The following RBFOX1 variants were observed in gnomAD, a reference collection of about 807,000 sequenced individuals.
RBFOX1 encodes RNA binding protein fox-1 homolog 1.
RBFOX1 carries 8 observed loss-of-function variants against 57.7 expected under a neutral mutation model. The observed-to-expected ratio is 0.14, with a 90% CI of 0.08 to 0.25. The LOEUF (loss-of-function observed/expected upper bound fraction) is 0.25. RBFOX1 is among the 10% of genes least tolerant of loss of function. RBFOX1 has a pLI of 1.00. For missense variants in RBFOX1, 611 were observed against 548.5 expected (o/e 1.11, Z -1.14); for synonymous variants, 326 against 222.4 (o/e 1.47, Z -4.15).
chr16:7,468,591 G>C (rs1007502384), intron 4 of RBFOX1, among the ~76,000 whole-genome samples: 1 of 151,864 alleles, frequency 6.6e-6, no homozygotes, highest in Non-Finnish European at 1.5e-5. Flanking sequence ...TCTTGGTGTT[G>C]ATGTAGGTCC....
At chr16:6,955,291 A>G (rs952122944) in intron 3 of RBFOX1, among the ~76,000 whole-genome samples, 1 of 151,992 alleles carries the variant, frequency 6.6e-6, no homozygotes, top group East Asian at 1.9e-4. Context: ...CTAGCGTACG[A>G]TTAAGTAAGT....
chr16:7,266,822 A>T (rs968293232), intron 4 of RBFOX1, among the ~76,000 whole-genome samples: 2 of 152,206 alleles, frequency 1.3e-5, no homozygotes, highest in African/African-American at 4.8e-5. Context: ...TGGGACAGGA[A>T]TTACAAGTTT....
At chr16:6,823,381 C>T (rs2091645348) in intron 3 of RBFOX1, among the ~76,000 whole-genome samples, 2 of 151,970 alleles carry the variant, frequency 1.3e-5, no homozygotes, top group Admixed American at 1.3e-4. Flanking sequence ...CTCAGCCTCC[C>T]AAGTAGCTAG....
chr16:5,300,631 A>T (rs2063780927), intron 1 of RBFOX1, among the ~76,000 whole-genome samples: 1 of 152,148 alleles, frequency 6.6e-6, no homozygotes, highest in Non-Finnish European at 1.5e-5. Flanking sequence ...GACATCTGGG[A>T]CTCGGCTTTT....
intron 4 of RBFOX1, among the ~76,000 whole-genome samples, chr16:7,299,639 TTGCCTAGAGAAACTG>T: frequency 6.6e-6 from 1 of 152,202 alleles, no homozygotes; most frequent in East Asian, 1.9e-4. Context: ...GATCGTGCTT[TTGCCTAGAGAAACTG>T]TGTCTGAGAA....
chr16:7,131,312 CTGCAGCGTGGGCAT>C (rs932030327), intron 4 of RBFOX1, among the ~76,000 whole-genome samples: 3 of 141,562 alleles, frequency 2.1e-5, no homozygotes, highest in African/African-American at 8.0e-5. Context: ...CACCATTGCA[CTGCAGCGTGGGCAT>C]TGCAGCGAGA....
intron 2 of RBFOX1, among the ~76,000 whole-genome samples, chr16:6,509,495 C>T (rs773164381): frequency 6.6e-6 from 1 of 152,018 alleles, no homozygotes; most frequent in Non-Finnish European, 1.5e-5. Flanking sequence ...AATAATTGAA[C>T]TCATGGAGAC....
chr16:6,678,946 G>A (rs530662189), intron 3 of RBFOX1, among the ~76,000 whole-genome samples: 1 of 152,156 alleles, frequency 6.6e-6, no homozygotes, highest in Non-Finnish European at 1.5e-5. Context: ...GTGGCATTCA[G>A]TATAATTGAA....
intron 3 of RBFOX1, among the ~76,000 whole-genome samples, chr16:6,900,694 A>G (rs1416128736): frequency 1.3e-5 from 2 of 152,144 alleles, no homozygotes; most frequent in South Asian, 2.1e-4. Flanking sequence ...TTCTGGTCTC[A>G]GAATCTGTAT....
Position 6,097,306 on chromosome 16 carries a change from A to C in RBFOX1, c.-127+77314A>C, listed in dbSNP as rs369943589. Among the ~76,000 whole-genome samples the C allele has an allele frequency of 6.6e-6, 1 of 152,200 alleles. No individual in the cohort carries two copies. The highest frequency in any genetic ancestry group is 6.5e-5 in the Admixed American group (1 of 15,278). On this transcript the variant is annotated intron_variant, in intron 1 of 15. Transcript: ENST00000550418. The surrounding 1 kb of genome is among the most constrained non-coding windows in gnomAD (Gnocchi z 5.0). ...TTATCAGCAGCATAAAAACAGACTA[A>C]CATAACCCCCCTTTCTTCCTACCCC...
intron 5 of RBFOX1, among the ~76,000 whole-genome samples, chr16:7,537,390 A>G (rs767524133): frequency 2.6e-5 from 4 of 152,158 alleles, no homozygotes; most frequent in African/African-American, 9.7e-5. Flanking sequence ...TGAGGATGTG[A>G]TGATGCTCTC....
At chr16:7,256,422 C>G (rs1364954205) in intron 4 of RBFOX1, among the ~76,000 whole-genome samples, 1 of 152,184 alleles carries the variant, frequency 6.6e-6, no homozygotes, top group Non-Finnish European at 1.5e-5. Flanking sequence ...TGGGAGAAGC[C>G]TACACTAGTT....
chr16:7,677,520 G>C (rs1024211872), intron 14 of RBFOX1, among the ~76,000 whole-genome samples: 14 of 152,142 alleles, frequency 9.2e-5, no homozygotes, highest in Non-Finnish European at 1.9e-4. Context: ...GGTTGCGGGG[G>C]TGGGGTGGAA....
At chr16:7,655,405 G>A (rs2066057783) in intron 12 of RBFOX1, among the ~76,000 whole-genome samples, 1 of 152,166 alleles carries the variant, frequency 6.6e-6, no homozygotes, top group Admixed American at 6.5e-5. Flanking sequence ...AAAGACGGTG[G>A]ATAGTAACAA....
At chr16:5,659,189 A>G (rs1189954471) in intron 3 of RBFOX1, among the ~76,000 whole-genome samples, 1 of 150,856 alleles carries the variant, frequency 6.6e-6, no homozygotes, top group Non-Finnish European at 1.5e-5. Context: ...GATTTTTTTG[A>G]TTATGGCCAT....
chr16:5,564,760 T>C (rs1164934416), intron 2 of RBFOX1, among the ~76,000 whole-genome samples: 1 of 152,174 alleles, frequency 6.6e-6, no homozygotes, highest in African/African-American at 2.4e-5. Flanking sequence ...ATCAAGTTCA[T>C]CATGGTCTTC....
chr16:5,489,233 C>T (rs772248565), intron 2 of RBFOX1, among the ~76,000 whole-genome samples: 1 of 152,272 alleles, frequency 6.6e-6, no homozygotes. Context: ...TCCTCTCATG[C>T]TTCCCTTGGC....
At chr16:7,458,975 G>A (rs1174253274) in intron 4 of RBFOX1, among the ~76,000 whole-genome samples, 2 of 152,182 alleles carry the variant, frequency 1.3e-5, no homozygotes, top group Non-Finnish European at 1.5e-5. Flanking sequence ...TCACAAAGTA[G>A]GTACTCATTG....
intron 1 of RBFOX1, among the ~76,000 whole-genome samples, chr16:5,289,895 A>G (rs2063492442): frequency 1.3e-5 from 2 of 152,254 alleles, no homozygotes; most frequent in Admixed American, 1.3e-4. Context: ...AAATGAAAAT[A>G]TATGTCCATG....
Sources: gnomAD v4.1 joint callset for allele counts (sites outside exome capture counted in the v4.1 genomes callset) on GRCh38, gnomAD v4.1.1 for gene constraint, Gnocchi (gnomAD v3.1) non-coding constraint, MANE v1.5 for transcripts, NCBI Gene and HGNC (gene_info 2026-07-23, HGNC 2026-07-21) for gene names.